Variants in STX2 observed in about 807,000 individuals in gnomAD.
The protein encoded by STX2 is syntaxin-2.
Under a neutral mutation model 40.6 loss-of-function variants are expected in STX2, and 27 were observed. The ratio of observed to expected loss-of-function variants is 0.66; its 90% CI spans 0.49 to 0.92. The LOEUF (loss-of-function observed/expected upper bound fraction) is 0.92, where lower values mean the gene tolerates loss of function less well. Ranked by LOEUF, STX2 falls within the 40% of genes least tolerant of loss-of-function variation. The pLI, the probability that STX2 is intolerant of heterozygous loss-of-function variation, is 0.00. For missense variants in STX2, 328 were observed against 366.1 expected (o/e 0.90, Z 0.85); for synonymous variants, 123 against 119.1 (o/e 1.03, Z -0.22).
In STX2 at chr12:130,801,273, T is replaced by C. The variant is rs780153296; in HGVS notation, c.555A>G (p.Gln185=). 8 of 1,612,386 alleles carry C rather than the reference T, an allele frequency of 5.0e-6. No homozygotes were observed. Among genetic ancestry groups the C allele is most frequent in the African/African-American group, 1.3e-5 (1 of 74,906 alleles). The change falls in exon 8 of 11, where the codon CAA becomes CAG. Residue 185 remains glutamine, a synonymous_variant. Transcript: ENST00000392373. ...IFTSDIISDS[Q]ITRQALNEIE... is the part of the protein sequence containing the mutation. The stretch of plus-strand genomic sequence containing the variant: ...TTTCATTGAGAGCTTGTCTAGTAAT[T>C]TGTGAATCTGATATAATCTTGGAAA...
intron 2 of STX2, 130 bp downstream of exon 2, chr12:130,827,063 A>AAGGG (rs899360434): frequency 1.6e-5 from 9 of 562,766 alleles, no homozygotes; most frequent in African/African-American, 4.5e-5. Flanking sequence ...GGAAGAAAGG[A>AAGGG]AGGGAGGGAG....
chr12:130,807,139 C>T (rs758623392), intron 5 of STX2, 49 bp from the exon 6 acceptor site: 5 of 1,557,764 alleles, frequency 3.2e-6, no homozygotes, highest in South Asian at 2.2e-5. Context: ...ATGCCTTCTA[C>T]TGAAAGTGAC....
intron 3 of STX2, among the ~76,000 whole-genome samples, chr12:130,820,336 T>C (rs1952064506): frequency 6.6e-6 from 1 of 152,200 alleles, no homozygotes; most frequent in Admixed American, 6.5e-5. Flanking sequence ...AATCATTGTA[T>C]TTCTATATAC....
At position 130,791,809 on chromosome 12, in the gene STX2, G is replaced by A. The variant is rs755014652; in HGVS notation, c.*214C>T. The A allele has an allele frequency of 1.2e-4, 135 of 1,145,794 alleles. No individual in the cohort carries two copies. The highest frequency in any genetic ancestry group is 7.4e-5 in the Non-Finnish European group (56 of 761,884). The allele number at this position is 1,145,794 out of a possible 1,614,324, so 71.0% of individuals were successfully genotyped here. Reference sequence around the variant, plus strand: ...TCAGCACTCGATGCCGGGTTACAGCGTCTGAGATTCATTCACGAAATGACA... The same window carrying A: ...TCAGCACTCGATGCCGGGTTACAGCATCTGAGATTCATTCACGAAATGACA... On this transcript the variant is annotated 3_prime_UTR_variant, in exon 11 of 11. Transcript: ENST00000392373.
At chr12:130,821,408 C>T (rs1033039786) in intron 3 of STX2, among the ~76,000 whole-genome samples, 1 of 152,342 alleles carries the variant, frequency 6.6e-6, no homozygotes, top group East Asian at 1.9e-4. Context: ...ATCTTGGCCC[C>T]TAAGTTCTGT....
At position 130,814,357 on chromosome 12, in the gene STX2, G is replaced by A. The variant is rs151200306; in HGVS notation, c.206-1326C>T. On this transcript the variant is annotated intron_variant, in intron 3 of 10. Coordinates refer to ENST00000392373, the MANE Select transcript of STX2 (RefSeq NM_194356.4). Reference sequence around the variant, plus strand: ...ACAAAATGCCATGGGCAGCGAGGAGGAGAAGCGTCTGCTGCAGCTGTCCCA... The same window carrying A: ...ACAAAATGCCATGGGCAGCGAGGAGAAGAAGCGTCTGCTGCAGCTGTCCCA... Among the ~76,000 whole-genome samples the A allele has an allele frequency of 6.9e-3, 1,052 of 152,276 alleles. 8 individuals carry two copies. Among genetic ancestry groups the A allele is most frequent in the African/African-American group, 0.024 (996 of 41,562 alleles).
At chr12:130,793,087 G>C (rs992523924) in intron 10 of STX2, among the ~76,000 whole-genome samples, 1 of 152,160 alleles carries the variant, frequency 6.6e-6, no homozygotes, top group Non-Finnish European at 1.5e-5. Context: ...TTTTACCTAA[G>C]AAATCCTGTT....
At chr12:130,804,351 G>A (rs1283122330) in intron 6 of STX2, among the ~76,000 whole-genome samples, 1 of 152,206 alleles carries the variant, frequency 6.6e-6, no homozygotes, top group Non-Finnish European at 1.5e-5. Context: ...ACGCCATCCT[G>A]AAGCAAAACC....
rs149804065 is a variant in STX2 at position 130,822,910 on chromosome 12, G to C, written c.106-1122C>G. 4.9e-3 allele frequency among the ~76,000 whole-genome samples: 740 copies of C among 152,352 alleles called. 2 individuals carry two copies. Among genetic ancestry groups the C allele is most frequent in the African/African-American group, 0.017 (703 of 41,580 alleles). ...TGGGTTAAAGTCGCAAGTGTTCTTA[G>C]AAGACAGCAGTAGATGGAGATCCAG... On this transcript the variant is annotated intron_variant, in intron 2 of 10. Coordinates refer to ENST00000392373, the MANE Select transcript of STX2 (RefSeq NM_194356.4).
intron 3 of STX2, among the ~76,000 whole-genome samples, chr12:130,813,919 G>A (rs768546786): frequency 2.6e-5 from 4 of 152,244 alleles, no homozygotes; most frequent in Non-Finnish European, 5.9e-5. Flanking sequence ...AATCTCACAC[G>A]CATCAGCCGG....
chr12:130,831,001 T>C (rs938379871), intron 1 of STX2, among the ~76,000 whole-genome samples: 5 of 152,246 alleles, frequency 3.3e-5, no homozygotes, highest in African/African-American at 9.6e-5. Flanking sequence ...AGTAGCATTA[T>C]AGTAAAATCA....
rs143164412 is a variant in STX2, at chr12:130,814,350, C to T, written c.206-1319G>A. On this transcript the variant is annotated intron_variant, in intron 3 of 10. Coordinates refer to ENST00000392373, the MANE Select transcript of STX2 (RefSeq NM_194356.4). ...AGGGTTCACAAAATGCCATGGGCAG[C>T]GAGGAGGAGAAGCGTCTGCTGCAGC... Among the ~76,000 whole-genome samples the T allele has an allele frequency of 4.4e-3, 669 of 152,202 alleles. 16 individuals are homozygous for T. Among genetic ancestry groups the T allele is most frequent in the Admixed American group, 0.037 (563 of 15,280 alleles).
chr12:130,796,867 G>GAA (rs1279135953), intron 9 of STX2, among the ~76,000 whole-genome samples: 1 of 148,816 alleles, frequency 6.7e-6, no homozygotes, highest in Non-Finnish European at 1.5e-5. Flanking sequence ...ATAGCACACA[G>GAA]AAAAAAAAAA....
At chr12:130,798,464 A>G in intron 9 of STX2, 61 bp downstream of exon 9, 1 of 1,241,670 alleles carries the variant, frequency 8.1e-7, no homozygotes, top group Non-Finnish European at 1.1e-6. Context: ...ACATCAATGT[A>G]TTACAACTTG....
chr12:130,827,400 GCCA>G (rs1286332162), intron 1 of STX2, 133 bp from the exon 2 acceptor site: 1 of 652,428 alleles, frequency 1.5e-6, no homozygotes, highest in Non-Finnish European at 2.7e-6. Context: ...CAGACTAGCA[GCCA>G]CCACTATCTA....
At chr12:130,820,798 A>G (rs960147426) in intron 3 of STX2, among the ~76,000 whole-genome samples, 1 of 152,256 alleles carries the variant, frequency 6.6e-6, no homozygotes, top group African/African-American at 2.4e-5. Flanking sequence ...AGCACCGCAC[A>G]GACCGGCATT....
At chr12:130,801,522 T>C (rs1297972172) in intron 6 of STX2, 34 bp from the exon 7 acceptor site, 3 of 1,527,230 alleles carry the variant, frequency 2.0e-6, no homozygotes, top group South Asian at 2.6e-5. Context: ...CCACTCAGAA[T>C]GCAGCACAAT....
chr12:130,802,351 C>T (rs562195926), intron 6 of STX2, among the ~76,000 whole-genome samples: 1 of 152,160 alleles, frequency 6.6e-6, no homozygotes, highest in Non-Finnish European at 1.5e-5. Context: ...GCGTGCGTCA[C>T]CACGCCCGGC....
chr12:130,834,356 C>CAA (rs11355842), intron 1 of STX2, among the ~76,000 whole-genome samples: 3 of 92,778 alleles, frequency 3.2e-5, no homozygotes, highest in Admixed American at 1.2e-4. Flanking sequence ...CACTCTGTCT[C>CAA]AAAAAAAAAA....
Sources: allele counts gnomAD v4.1 joint callset (sites outside exome capture counted in the v4.1 genomes callset), GRCh38; gene constraint gnomAD v4.1.1; transcripts MANE v1.5; gene names NCBI Gene and HGNC (gene_info 2026-07-23, HGNC 2026-07-21).